The following FAM117B variants were observed in gnomAD, a reference collection of about 807,000 sequenced individuals.
FAM117B encodes the protein family with sequence similarity 117 member B, also known as protein FAM117B.
FAM117B carries 22 observed loss-of-function variants against 52.8 expected under a neutral mutation model. The ratio of observed to expected loss-of-function variants is 0.42; its 90% confidence interval spans 0.30 to 0.59. The LOEUF is 0.59. Ranked by LOEUF, FAM117B falls within the 20% of genes least tolerant of loss-of-function variation. FAM117B has a pLI of 0.22. For synonymous variants in FAM117B, 309 were observed against 324.1 expected, an observed-to-expected ratio of 0.95 and a Z score of 0.50; for missense variants, 678 against 802.6, an observed-to-expected ratio of 0.84 and a Z score of 1.88.
intron 1 of FAM117B, among the ~76,000 whole-genome samples, chr2:202,647,394 A>G (rs1689888128): frequency 6.6e-6 from 1 of 152,104 alleles, no homozygotes; most frequent in Admixed American, 6.6e-5. Context: ...TTCAAAACTG[A>G]AAAAAACAGT....
chr2:202,683,112 G>A (rs1690487833), intron 1 of FAM117B, among the ~76,000 whole-genome samples: 1 of 152,166 alleles, frequency 6.6e-6, no homozygotes, highest in Non-Finnish European at 1.5e-5. Flanking sequence ...CAGATCACCT[G>A]AGGTCAGGAG....
rs565839239 is a variant in FAM117B at position 202,699,936 on chromosome 2, T to TA, written c.753+3905dup. Among the ~76,000 whole-genome samples, 19 of 152,314 alleles carry TA rather than the reference T, an allele frequency of 1.2e-4. 1 individual carries two copies. In the South Asian group the frequency reaches 3.9e-3, roughly 32 times the overall value. ...CCATTTGCATTATTATTGTATCTGT[T>TA]ATGGTGATCTGTGCTCAGTGATCTT... On this transcript the variant is annotated intron_variant, in intron 2 of 7. Transcript: ENST00000392238.
At chr2:202,641,413 A>T (rs1156841815) in intron 1 of FAM117B, among the ~76,000 whole-genome samples, 2 of 152,218 alleles carry the variant, frequency 1.3e-5, no homozygotes. Context: ...TAGAATATAT[A>T]CATTAGAAAG....
intron 1 of FAM117B, among the ~76,000 whole-genome samples, chr2:202,644,064 G>GTTTTTTTTTTTTTTTTTTTTTTCTTTTTT (rs1161026426): frequency 1.1e-5 from 1 of 95,138 alleles, no homozygotes. Context: ...TTTTTTTTTT[G>GTTTTTTTTTTTTTTTTTTTTTTCTTTTTT]TTTTTTTTTT....
chr2:202,666,937 G>A (rs1189421664), intron 1 of FAM117B, among the ~76,000 whole-genome samples: 2 of 151,738 alleles, frequency 1.3e-5, no homozygotes, highest in Non-Finnish European at 2.9e-5. Context: ...GAGCCACCAC[G>A]CCCGGCCAGT....
At chr2:202,682,674 T>G (rs1690480403) in intron 1 of FAM117B, among the ~76,000 whole-genome samples, 2 of 152,224 alleles carry the variant, frequency 1.3e-5, no homozygotes, top group South Asian at 4.1e-4. Context: ...TAAGCGTCAG[T>G]AACTTTAAAG....
chr2:202,760,615 C>T (rs909563996), intron 7 of FAM117B, among the ~76,000 whole-genome samples: 5 of 152,078 alleles, frequency 3.3e-5, no homozygotes, highest in African/African-American at 1.2e-4. Flanking sequence ...AGTGTAGAAG[C>T]CATGAATTGT....
intron 1 of FAM117B, among the ~76,000 whole-genome samples, chr2:202,667,286 A>G (rs550671856): frequency 2.5e-4 from 38 of 151,936 alleles, no homozygotes; most frequent in African/African-American, 9.2e-4. Flanking sequence ...TTTTTAATAG[A>G]GACGGGGTTT....
At chr2:202,682,922 A>G (rs1690483972) in intron 1 of FAM117B, among the ~76,000 whole-genome samples, 2 of 152,250 alleles carry the variant, frequency 1.3e-5, no homozygotes, top group African/African-American at 4.8e-5. Context: ...TATAGTAGGA[A>G]GAAAGGTCTA....
rs1689779769 is a variant in FAM117B, at chr2:202,642,138, A to T, written c.601+6350A>T. Among the ~76,000 whole-genome samples the T allele has an allele frequency of 2.2e-5, 3 of 138,554 alleles. No homozygotes were observed. The Admixed American group carries it at 2.2e-4, about 10-fold the overall frequency. 90.9% of individuals were successfully genotyped at this position (138,554 alleles called of 152,430 possible). A position where few individuals can be genotyped will look rare whatever the true frequency, so the allele number is the denominator to read the frequency against. ...TGTACTTTTTTTTTTTTTTTTTAGT[A>T]GAGACGGGATTTCACCATATTGGAC... is the stretch of plus-strand genomic sequence containing the variant. On this transcript the variant is annotated intron_variant, in intron 1 of 7. Transcript: ENST00000392238.
chr2:202,654,385 A>G (rs1228925773), intron 1 of FAM117B, among the ~76,000 whole-genome samples: 1 of 151,886 alleles, frequency 6.6e-6, no homozygotes, highest in Non-Finnish European at 1.5e-5. Flanking sequence ...ATTTTTGCCT[A>G]TCTTGAGCAC....
At chr2:202,705,835 G>A (rs1384676821) in intron 2 of FAM117B, among the ~76,000 whole-genome samples, 1 of 152,136 alleles carries the variant, frequency 6.6e-6, no homozygotes. Context: ...CCAATTTAGG[G>A]AGAGAAACTG....
chr2:202,762,621 G>T (rs1000389521), intron 7 of FAM117B, among the ~76,000 whole-genome samples: 50 of 152,266 alleles, frequency 3.3e-4, no homozygotes, highest in African/African-American at 1.2e-3. Flanking sequence ...TGGTTTGTAA[G>T]TTGAAGAGTG....
chr2:202,709,610 T>G (rs1690928935), intron 2 of FAM117B, among the ~76,000 whole-genome samples: 1 of 152,208 alleles, frequency 6.6e-6, no homozygotes, highest in East Asian at 1.9e-4. Flanking sequence ...ATTTTCTTAT[T>G]TCTTAGGTTG....
intron 1 of FAM117B, among the ~76,000 whole-genome samples, chr2:202,679,121 A>G (rs1354259431): frequency 6.6e-6 from 1 of 152,230 alleles, no homozygotes; most frequent in African/African-American, 2.4e-5. Flanking sequence ...AGTCCCTTCT[A>G]TGGTAAACAG....
Position 202,768,470 on chromosome 2 carries a change from A to AC in FAM117B, c.*2706_*2707insC, listed in dbSNP as rs1692020652. On this transcript the variant is annotated 3_prime_UTR_variant, in exon 8 of 8. Transcript: ENST00000392238. The stretch of plus-strand genomic sequence containing the variant: ...TGGGAGAAATAGAGCTTGAGATTTG[A>AC]AAAAAAGGTACAAGGTACAAAACAA... The AC allele has an allele frequency of 6.6e-6, 1 of 152,620 alleles. No homozygotes were observed. Among genetic ancestry groups the AC allele is most frequent in the Non-Finnish European group, 1.5e-5 (1 of 68,032 alleles). The allele number at this position is 152,620 out of a possible 1,614,324, so 9.5% of individuals were successfully genotyped here.
intron 1 of FAM117B, among the ~76,000 whole-genome samples, chr2:202,668,415 C>A (rs1157570437): frequency 6.9e-6 from 1 of 144,806 alleles, no homozygotes; most frequent in Non-Finnish European, 1.5e-5. Context: ...GTAATCCCAG[C>A]TACTTCGGAG....
intron 1 of FAM117B, among the ~76,000 whole-genome samples, chr2:202,693,425 A>G (rs1423550021): frequency 7.9e-5 from 12 of 152,268 alleles, no homozygotes; most frequent in Middle Eastern, 3.4e-3. Flanking sequence ...CCTGGTCAAC[A>G]TGGTGAAACC....
chr2:202,661,935 A>AG (rs1181463152), intron 1 of FAM117B, among the ~76,000 whole-genome samples: 7 of 152,012 alleles, frequency 4.6e-5, no homozygotes, highest in Admixed American at 1.3e-4. Context: ...AAAAAAAAAA[A>AG]AAAGATCAAC....
Sources: allele counts gnomAD v4.1 joint callset (sites outside exome capture counted in the v4.1 genomes callset), GRCh38; gene constraint gnomAD v4.1.1; transcripts MANE v1.5; gene names NCBI Gene and HGNC (gene_info 2026-07-23, HGNC 2026-07-21).